The following C6orf89 variants were observed in gnomAD, a reference collection of about 807,000 sequenced individuals.
C6orf89 encodes bombesin receptor-activated protein C6orf89.
Under a neutral mutation model 40.7 loss-of-function variants are expected in C6orf89, and 29 were observed. That is an observed-to-expected ratio of 0.71 (90% CI 0.53 to 0.97). The LOEUF is 0.97. C6orf89 is among the 50% of genes least tolerant of loss of function. C6orf89 has a pLI of 0.00. For synonymous variants in C6orf89, 165 were observed against 152.2 expected, an observed-to-expected ratio of 1.08 and a Z score of -0.62; for missense variants, 392 against 429.1, an observed-to-expected ratio of 0.91 and a Z score of 0.76.
chr6:36,911,934 C>CCA (rs1194895004), intron 4 of C6orf89, among the ~76,000 whole-genome samples: 3 of 145,372 alleles, frequency 2.1e-5, no homozygotes, highest in Non-Finnish European at 3.1e-5. Flanking sequence ...CAGTGAACCC[C>CCA]CCCCCCCCGA....
chr6:36,897,129 C>CAAAACAAAA (rs1761460475), intron 2 of C6orf89, among the ~76,000 whole-genome samples: 1 of 85,396 alleles, frequency 1.2e-5, no homozygotes, highest in Non-Finnish European at 2.3e-5. Flanking sequence ...GACTCTGTCT[C>CAAAACAAAA]AAAAAAAAAA....
chr6:36,882,407 C>T (rs1426762634), upstream of C6orf89, among the ~76,000 whole-genome samples: 1 of 152,190 alleles, frequency 6.6e-6, no homozygotes, highest in African/African-American at 2.4e-5. Flanking sequence ...GTGCTATGCA[C>T]CTAAATTGGA....
intron 3 of C6orf89, 75 bp from the exon 4 acceptor site, chr6:36,902,146 T>G: frequency 9.5e-6 from 12 of 1,266,822 alleles, no homozygotes; most frequent in South Asian, 2.5e-5. Flanking sequence ...AAGAAGCCTG[T>G]TTTGTTTTGT....
At position 36,928,414 on chromosome 6, in the gene C6orf89, C is replaced by T. The variant is rs2150725537; in HGVS notation, c.*4973C>T. 6.6e-6 allele frequency: 1 copy of T among 152,640 alleles called. No homozygotes were observed. Among genetic ancestry groups the T allele is most frequent in the South Asian group, 2.1e-4 (1 of 4,826 alleles). The allele number at this position is 152,640 out of a possible 1,614,324, so 9.5% of individuals were successfully genotyped here. ...CAGGGGGCTCACCTGTGCAGCCACCCTTACTCACAGTAGCATCCCATTCTT... is the reference window on the plus strand; with the variant it reads ...CAGGGGGCTCACCTGTGCAGCCACCTTTACTCACAGTAGCATCCCATTCTT... On this transcript the variant is annotated 3_prime_UTR_variant, in exon 9 of 9. Transcript: ENST00000480824.
At chr6:36,893,534 A>G (rs1761303198) in intron 1 of C6orf89, among the ~76,000 whole-genome samples, 1 of 152,228 alleles carries the variant, frequency 6.6e-6, no homozygotes, top group Non-Finnish European at 1.5e-5. Flanking sequence ...AAATATATTC[A>G]GTGTTTTAAT....
chr6:36,928,630 T>C lies in C6orf89; in HGVS notation c.*5189T>C, dbSNP rs1762761741. On this transcript the variant is annotated 3_prime_UTR_variant, in exon 9 of 9. Transcript: ENST00000480824. ...CACCTCCACCCTGGGGAAGGGTCAG[T>C]AACCAATGCCGAGGGTCGGGGAAGG... 6.6e-6 allele frequency: 1 copy of C among 152,354 alleles called. No homozygotes were observed. Among genetic ancestry groups the C allele is most frequent in the Non-Finnish European group, 1.5e-5 (1 of 68,150 alleles). 9.4% of individuals were successfully genotyped at this position (152,354 alleles called of 1,614,324 possible).
intron 1 of C6orf89, among the ~76,000 whole-genome samples, chr6:36,872,795 A>G (rs1774543338): frequency 6.6e-6 from 1 of 152,124 alleles, no homozygotes; most frequent in Admixed American, 6.6e-5. Flanking sequence ...TTTTTTGTAG[A>G]GATGGGGTTT....
At chr6:36,878,060 A>G (rs1470625295) in intron 1 of C6orf89, among the ~76,000 whole-genome samples, 2 of 152,218 alleles carry the variant, frequency 1.3e-5, no homozygotes, top group African/African-American at 4.8e-5. Context: ...TGTTTTTATC[A>G]TATAGATCTG....
At chr6:36,876,669 A>C (rs1306743344) in intron 1 of C6orf89, among the ~76,000 whole-genome samples, 1 of 150,286 alleles carries the variant, frequency 6.7e-6, no homozygotes, top group South Asian at 2.1e-4. Flanking sequence ...GGCTGCAGTG[A>C]GCAGAGATTT....
chr6:36,877,872 T>C (rs1774701600), intron 1 of C6orf89, among the ~76,000 whole-genome samples: 1 of 22,898 alleles, frequency 4.4e-5, no homozygotes, highest in Non-Finnish European at 7.8e-5. Flanking sequence ...TCTACCTATT[T>C]TTCTATTTGG....
chr6:36,894,896 G>T (rs1456485454), intron 2 of C6orf89, among the ~76,000 whole-genome samples: 1 of 152,122 alleles, frequency 6.6e-6, no homozygotes, highest in Admixed American at 6.6e-5. Context: ...ATTTTAGAGC[G>T]AGACTCTAAA....
intron 1 of C6orf89, among the ~76,000 whole-genome samples, chr6:36,876,732 AAAAAAAAAAG>A (rs1774664282): frequency 7.2e-6 from 1 of 138,138 alleles, no homozygotes; most frequent in Non-Finnish European, 1.6e-5. Flanking sequence ...CTCAAAAAAA[AAAAAAAAAAG>A]AAGAAGAAGA....
intron 8 of C6orf89, among the ~76,000 whole-genome samples, chr6:36,920,037 C>T (rs571996862): frequency 1.7e-4 from 26 of 152,298 alleles, no homozygotes; most frequent in Admixed American, 6.5e-4. Context: ...GTGACCACCC[C>T]AAGGCCCCAC....
At chr6:36,900,531 A>C (rs1761635927) in intron 3 of C6orf89, among the ~76,000 whole-genome samples, 1 of 151,392 alleles carries the variant, frequency 6.6e-6, no homozygotes, top group Non-Finnish European at 1.5e-5. Flanking sequence ...TCAAGGTCAC[A>C]CTGTGTTGCC....
chr6:36,895,221 A>G (rs1023589211), intron 2 of C6orf89, among the ~76,000 whole-genome samples: 1 of 152,228 alleles, frequency 6.6e-6, no homozygotes, highest in African/African-American at 2.4e-5. Flanking sequence ...AAGTTTGGGA[A>G]ATATGAAAGT....
chr6:36,882,889 C>G (rs1242449928), upstream of C6orf89, among the ~76,000 whole-genome samples: 257 of 151,740 alleles, frequency 1.7e-3, no homozygotes, highest in Non-Finnish European at 1.6e-3. Flanking sequence ...AGGCGCCCGC[C>G]ACCGCGCCTG....
At chr6:36,875,512 G>C (rs1774628626) in intron 1 of C6orf89, among the ~76,000 whole-genome samples, 1 of 152,380 alleles carries the variant, frequency 6.6e-6, no homozygotes, top group African/African-American at 2.4e-5. Context: ...ACATTGGCTG[G>C]GATAGATGGT....
At chr6:36,895,859 C>T (rs1761406879) in intron 2 of C6orf89, among the ~76,000 whole-genome samples, 1 of 152,236 alleles carries the variant, frequency 6.6e-6, no homozygotes, top group African/African-American at 2.4e-5. Flanking sequence ...GTCTTAGGCA[C>T]ATACCTAGAA....
At chr6:36,883,405 T>C (rs1316339439), upstream of C6orf89, 2 of 152,238 alleles carry the variant, frequency 1.3e-5, no homozygotes, top group Non-Finnish European at 2.9e-5. Context: ...TTGATTAGAA[T>C]AGCTTTTCCC....
Sources: gnomAD v4.1 joint callset for allele counts (sites outside exome capture counted in the v4.1 genomes callset) on GRCh38, gnomAD v4.1.1 for gene constraint, MANE v1.5 for transcripts, NCBI Gene and HGNC (gene_info 2026-07-23, HGNC 2026-07-21) for gene names.